The following OPCML variants were observed in gnomAD, a reference collection of about 807,000 sequenced individuals.
OPCML encodes the protein opioid-binding protein/cell adhesion molecule.
A neutral mutation model predicts 37.8 loss-of-function variants in OPCML; 13 were observed. That is an observed-to-expected ratio of 0.34 (90% CI 0.22 to 0.55). OPCML has a LOEUF of 0.55. Ranked by LOEUF, OPCML falls within the 20% of genes least tolerant of loss-of-function variation. OPCML has a pLI of 0.91. For missense variants in OPCML, 341 were observed against 435.6 expected (o/e 0.78, Z 1.93); for synonymous variants, 176 against 168.8 (o/e 1.04, Z -0.33).
intron 1 of OPCML, among the ~76,000 whole-genome samples, chr11:133,036,464 A>C (rs991644372): frequency 6.6e-6 from 1 of 152,210 alleles, no homozygotes; most frequent in African/African-American, 2.4e-5. Context: ...TATTTCTTTT[A>C]CATTGCTATT....
At chr11:132,760,894 C>T (rs752018822) in intron 2 of OPCML, among the ~76,000 whole-genome samples, 6 of 152,060 alleles carry the variant, frequency 3.9e-5, no homozygotes, top group Admixed American at 6.6e-5. Context: ...TTTACAGTGT[C>T]GATGGCCTTT....
At chr11:133,112,307 AAAAGG>A in intron 1 of OPCML, among the ~76,000 whole-genome samples, 1 of 138,978 alleles carries the variant, frequency 7.2e-6, no homozygotes, top group South Asian at 2.3e-4. Flanking sequence ...AAAAAAAAAA[AAAAGG>A]GGAAAGAAAC....
intron 1 of OPCML, among the ~76,000 whole-genome samples, chr11:132,975,529 C>CAAAAAAAAAAAAAAA (rs56882175): frequency 1.9e-4 from 8 of 42,766 alleles, no homozygotes; most frequent in Non-Finnish European, 3.0e-4. Flanking sequence ...AGGTTTCAAG[C>CAAAAAAAAAAAAAAA]AAAAAAAAAA....
chr11:132,474,288 A>C (rs920676773), intron 4 of OPCML, among the ~76,000 whole-genome samples: 1 of 150,378 alleles, frequency 6.6e-6, no homozygotes, highest in Non-Finnish European at 1.5e-5. Flanking sequence ...CCTGTTTATA[A>C]TTTGCAAGGA....
At chr11:132,960,718 A>G (rs1425767155) in intron 1 of OPCML, among the ~76,000 whole-genome samples, 2 of 152,162 alleles carry the variant, frequency 1.3e-5, no homozygotes, top group African/African-American at 4.8e-5. Context: ...CTCTGTCAAG[A>G]TATCCTGCTT....
chr11:132,680,902 G>A (rs1055900352), intron 2 of OPCML, among the ~76,000 whole-genome samples: 12 of 152,250 alleles, frequency 7.9e-5, no homozygotes, highest in Admixed American at 5.2e-4. Flanking sequence ...GTTTTCTCCC[G>A]CTCCAAACCC....
At chr11:132,844,357 C>T in intron 2 of OPCML, among the ~76,000 whole-genome samples, 1 of 152,104 alleles carries the variant, frequency 6.6e-6, no homozygotes, top group South Asian at 2.1e-4. Flanking sequence ...GAGAACAGTC[C>T]ATTTGGAAGA....
chr11:133,380,003 T>C (rs1335277812), intron 1 of OPCML, among the ~76,000 whole-genome samples: 1 of 152,194 alleles, frequency 6.6e-6, no homozygotes, highest in Non-Finnish European at 1.5e-5. Flanking sequence ...TCTATGCATC[T>C]GCGTTTCCTC....
chr11:133,163,046 G>A (rs1950165714), intron 1 of OPCML, among the ~76,000 whole-genome samples: 1 of 152,232 alleles, frequency 6.6e-6, no homozygotes, highest in Non-Finnish European at 1.5e-5. Flanking sequence ...TAGGTAGTGT[G>A]TCTGAAAACT....
chr11:133,465,049 C>A (rs183378642), intron 1 of OPCML, among the ~76,000 whole-genome samples: 23 of 152,288 alleles, frequency 1.5e-4, no homozygotes, highest in Non-Finnish European at 2.6e-4. Context: ...CCCCACAAAC[C>A]TGGTGGTTTC....
chr11:133,488,183 A>G (rs1393692947), intron 1 of OPCML, among the ~76,000 whole-genome samples: 1 of 152,176 alleles, frequency 6.6e-6, no homozygotes, highest in African/African-American at 2.4e-5. Context: ...AGTTGAAAGC[A>G]TTCCCTCTAA....
chr11:133,494,272 G>A (rs1947731326), intron 1 of OPCML, among the ~76,000 whole-genome samples: 1 of 151,840 alleles, frequency 6.6e-6, no homozygotes, highest in Non-Finnish European at 1.5e-5. Flanking sequence ...CACTGTTGGT[G>A]GGACTGTAAA....
chr11:133,252,244 T>G (rs760052879), intron 1 of OPCML, among the ~76,000 whole-genome samples: 2 of 152,148 alleles, frequency 1.3e-5, no homozygotes, highest in African/African-American at 4.8e-5. Flanking sequence ...GAGAGACAAG[T>G]TAGACCAGAA....
At chr11:132,751,220 T>C (rs1304708854) in intron 2 of OPCML, among the ~76,000 whole-genome samples, 1 of 152,160 alleles carries the variant, frequency 6.6e-6, no homozygotes, top group Admixed American at 6.5e-5. Flanking sequence ...ATTTTATTCT[T>C]TGTGGCCTCT....
chr11:132,626,262 G>T (rs1939731734), intron 3 of OPCML, among the ~76,000 whole-genome samples: 1 of 151,842 alleles, frequency 6.6e-6, no homozygotes, highest in South Asian at 2.1e-4. Flanking sequence ...AAGATGATCG[G>T]GAGTACCACC....
rs145924378 is a variant in OPCML, at chr11:133,402,777, G to A, written c.61+129487C>T. 3.1e-3 allele frequency among the ~76,000 whole-genome samples: 466 copies of A among 152,182 alleles called. 4 individuals carry two copies. The highest frequency in any genetic ancestry group is 0.01 in the African/African-American group (436 of 41,528). ...CTGAAAACTGCTGACTAGACTGACC[G>A]TATGGTTTCTGCCCTGCCCGCATCT... is the stretch of plus-strand genomic sequence containing the variant. On this transcript the variant is annotated intron_variant, in intron 1 of 7. Coordinates refer to ENST00000524381, the MANE Select transcript of OPCML (RefSeq NM_001012393.5).
intron 1 of OPCML, among the ~76,000 whole-genome samples, chr11:133,245,099 A>T (rs1388379355): frequency 1.3e-5 from 2 of 152,166 alleles, no homozygotes; most frequent in African/African-American, 4.8e-5. Flanking sequence ...ATTGTGTAAA[A>T]GGTGGACTTC....
chr11:133,305,801 A>C (rs866162553), intron 1 of OPCML, among the ~76,000 whole-genome samples: 1 of 152,196 alleles, frequency 6.6e-6, no homozygotes, highest in South Asian at 2.1e-4. Flanking sequence ...AGTTCATCTT[A>C]GAATTACACA....
intron 1 of OPCML, among the ~76,000 whole-genome samples, chr11:133,041,923 G>A (rs986256988): frequency 5.9e-5 from 9 of 152,112 alleles, no homozygotes; most frequent in Non-Finnish European, 1.2e-4. Flanking sequence ...CACAGAAGGG[G>A]CTGCGAGTCG....
Sources: gnomAD v4.1 joint callset for allele counts (sites outside exome capture counted in the v4.1 genomes callset) on GRCh38, gnomAD v4.1.1 for gene constraint, MANE v1.5 for transcripts, NCBI Gene and HGNC (gene_info 2026-07-23, HGNC 2026-07-21) for gene names.